EPHA2: variants seen among roughly 807,000 people sequenced by gnomAD.
EPHA2 encodes the protein ephrin type-A receptor 2.
A neutral mutation model predicts 104.9 loss-of-function variants in EPHA2; 54 were observed. The observed-to-expected ratio is 0.51, with a 90% CI of 0.41 to 0.65. The LOEUF is 0.65. EPHA2 is among the 30% of genes least tolerant of loss of function. The pLI, the probability that EPHA2 is intolerant of heterozygous loss-of-function variation, is 0.00. For missense variants in EPHA2, 1,117 were observed against 1,369.5 expected (o/e 0.82, Z 2.91); for synonymous variants, 560 against 559.1 (o/e 1.00, Z -0.02).
chr1:16,133,465 AG>A lies in EPHA2; in HGVS notation c.1864+15del, dbSNP rs886045505. The A allele has an allele frequency of 1.9e-6, 3 of 1,614,020 alleles. No individual in the cohort carries two copies. Among genetic ancestry groups the A allele is most frequent in the East Asian group, 2.2e-5 (1 of 44,884 alleles). On this transcript the variant is annotated intron_variant, in intron 10 of 16. Coordinates refer to ENST00000358432, the MANE Select transcript of EPHA2 (RefSeq NM_004431.5). The stretch of plus-strand genomic sequence containing the variant: ...CGCTGCCTCCTCAGGGCCCCTTGGC[AG>A]GGGGCCAACCTCACCTGCTCCGATC...
In EPHA2 at chr1:16,132,271, C is replaced by G; in HGVS notation, c.2118G>C (p.Glu706Asp). The G allele has an allele frequency of 1.9e-6, 3 of 1,614,092 alleles. No individual in the cohort carries two copies. The highest frequency in any genetic ancestry group is 2.5e-6 in the Non-Finnish European group (3 of 1,180,020). ...GCAGCACGCTGAACTCGCCATCCTT[C>G]TCCTGCCGGAGCACAGGCGCTCAGC... ...ENGALDKFLR[E>D]KDGEFSVLQL... is the part of the protein sequence containing the mutation. Residue 706 changes from glutamate to aspartate, a missense_variant and splice_region_variant, in exon 13 of 17, where the codon GAG becomes GAC. Glu to Asp is a conservative substitution (Grantham distance 45). Transcript: ENST00000358432.
Position 16,135,513 on chromosome 1 carries a change from CT to C in EPHA2, c.1428+141del, listed in dbSNP as rs972008188. 8 of 836,442 alleles carry C rather than the reference CT, an allele frequency of 9.6e-6. No individual in the cohort carries two copies. In the African/African-American group the frequency reaches 1.2e-4, roughly 12 times the overall value. 51.8% of individuals were successfully genotyped at this position (836,442 alleles called of 1,614,324 possible). ...GTGCTGCCTTGGGAGATGTAACCCCCTGGCAGACCCCAGGCCTCAGTTTCCC... is the reference window on the plus strand; with the variant it reads ...GTGCTGCCTTGGGAGATGTAACCCCCGGCAGACCCCAGGCCTCAGTTTCCC... On this transcript the variant is annotated intron_variant, in intron 6 of 16. Coordinates refer to ENST00000358432, the MANE Select transcript of EPHA2 (RefSeq NM_004431.5). The surrounding 1 kb of genome is among the most constrained non-coding windows in gnomAD (Gnocchi z 4.3).
At position 16,133,321 on chromosome 1, in the gene EPHA2, T is replaced by C; in HGVS notation, c.1912A>G (p.Lys638Glu). ...TTGATGGCCACCGGCACCTCCTTCT[T>C]CCCCGAGGATGTCTTCAGCATGCCC... ...YKGMLKTSSG[K>E]KEVPVAIKTL... is the part of the protein sequence containing the mutation. Residue 638 changes from lysine to glutamate, a missense_variant, in exon 11 of 17, where the codon AAG becomes GAG. By Grantham distance (56) the Lys-to-Glu change is moderately conservative. This residue lies in a region of EPHA2 where 113 missense variants were observed against 104.3 expected (regional missense o/e 1.08). Transcript: ENST00000358432. 1.2e-6 allele frequency: 2 copies of C among 1,613,786 alleles called. No homozygotes were observed. Among genetic ancestry groups the C allele is most frequent in the Non-Finnish European group, 1.7e-6 (2 of 1,179,918 alleles).
intron 1 of EPHA2, 153 bp downstream of exon 1, chr1:16,155,695 C>A: frequency 1.8e-6 from 1 of 555,474 alleles, no homozygotes; most frequent in East Asian, 3.5e-5. Context: ...GGCCAGGGCT[C>A]GCCTCGATCG....
At position 16,133,307 on chromosome 1, in the gene EPHA2, C is replaced by T. The variant is rs759675163; in HGVS notation, c.1926G>A (p.Pro642=). ...LKTSSGKKEV[P]VAIKTLKAGY... is the part of the protein sequence containing the mutation. ...CGGCTTTCAGCGTCTTGATGGCCAC[C>T]GGCACCTCCTTCTTCCCCGAGGATG... The change falls in exon 11 of 17, where the codon CCG becomes CCA. Residue 642 remains proline (P), a synonymous_variant. Coordinates refer to ENST00000358432, the MANE Select transcript of EPHA2 (RefSeq NM_004431.5). 40 of 1,613,742 alleles carry T rather than the reference C, an allele frequency of 2.5e-5. No homozygotes were observed. The highest frequency in any genetic ancestry group is 3.1e-5 in the Non-Finnish European group (36 of 1,179,958).
chr1:16,130,012 C>G lies in EPHA2; in HGVS notation c.2669+214G>C, dbSNP rs993042166. Among the ~76,000 whole-genome samples, 1 of 152,204 alleles carries G rather than the reference C, an allele frequency of 6.6e-6. No homozygotes were observed. The highest frequency in any genetic ancestry group is 1.5e-5 in the Non-Finnish European group (1 of 68,034). ...TAAATGAATGAAAACATATTAAGTG[C>G]TCACGCAGTGCCCTGCACACAGACA... On this transcript the variant is annotated intron_variant, in intron 15 of 16. Transcript: ENST00000358432. This position sits in a 1 kb window ranked among gnomAD's most constrained non-coding sequence, Gnocchi z 4.5.
chr1:16,125,379 CTGGGTGGGG>C lies in EPHA2; in HGVS notation c.2826-68_2826-60del. 1 of 95,030 alleles carries C rather than the reference CTGGGTGGGG, an allele frequency of 1.1e-5. No homozygotes were observed. Among genetic ancestry groups the C allele is most frequent in the Admixed American group, 1.6e-4 (1 of 6,276 alleles). 5.9% of individuals were successfully genotyped at this position (95,030 alleles called of 1,614,324 possible). On this transcript the variant is annotated intron_variant, in intron 16 of 16. Transcript: ENST00000358432. The surrounding 1 kb of genome is among the most constrained non-coding windows in gnomAD (Gnocchi z 4.9). ...GGCTGGAGCAGGGGAGGGGGCCGGG[CTGGGTGGGG>C]ACAGGACTCGGTGGGCGGCTGGGGA... is the stretch of plus-strand genomic sequence containing the variant.
chr1:16,153,111 A>C (rs1005961998), intron 1 of EPHA2: 2 of 969,846 alleles, frequency 2.1e-6, no homozygotes, highest in Admixed American at 7.2e-5. Flanking sequence ...CTATCCCCTT[A>C]CCTTCCCATT....
At chr1:16,140,791 G>C (rs2024810484) in intron 3 of EPHA2, among the ~76,000 whole-genome samples, 1 of 152,174 alleles carries the variant, frequency 6.6e-6, no homozygotes, top group South Asian at 2.1e-4. Context: ...GCTAACTTTT[G>C]TATTTTTAGT....
rs2124189728 is a variant in EPHA2 at position 16,128,268 on chromosome 1, G to A, written c.2825+1166C>T. On this transcript the variant is annotated intron_variant, in intron 16 of 16. Coordinates refer to ENST00000358432, the MANE Select transcript of EPHA2 (RefSeq NM_004431.5). The surrounding 1 kb of genome is among the most constrained non-coding windows in gnomAD (Gnocchi z 4.7). Reference sequence around the variant, plus strand: ...AGAGCCCAAGCCTGTGGCCCTGCTGGGCTGGCGGGCAGCAAAAGACATCCT... The same window carrying A: ...AGAGCCCAAGCCTGTGGCCCTGCTGAGCTGGCGGGCAGCAAAAGACATCCT... Among the ~76,000 whole-genome samples the A allele has an allele frequency of 6.6e-6, 1 of 152,278 alleles. No homozygotes were observed. The highest frequency in any genetic ancestry group is 2.1e-4 in the South Asian group (1 of 4,818).
At position 16,133,381 on chromosome 1, in the gene EPHA2, AG is replaced by A. The variant is rs2024616132; in HGVS notation, c.1865-14del. On this transcript the variant is annotated splice_polypyrimidine_tract_variant and intron_variant, in intron 10 of 16. Transcript: ENST00000358432. The stretch of plus-strand genomic sequence containing the variant: ...TCCCCAAACTCTCCTGTGGGCAGAC[AG>A]GGTCAGGGGAGTGCCCTGGTCAGCC... The A allele has an allele frequency of 6.2e-7, 1 of 1,613,746 alleles. No individual in the cohort carries two copies. Among genetic ancestry groups the A allele is most frequent in the Non-Finnish European group, 8.5e-7 (1 of 1,179,966 alleles).
chr1:16,155,737 C>T (rs1239398146), intron 1 of EPHA2, 111 bp downstream of exon 1: 3 of 889,952 alleles, frequency 3.4e-6, no homozygotes, highest in African/African-American at 3.5e-5. Context: ...TCCAGTTCGC[C>T]GGGACTGGGC....
Position 16,134,894 on chromosome 1 carries a change from A to G in EPHA2, c.1582+142T>C. 3 of 1,317,568 alleles carry G rather than the reference A, an allele frequency of 2.3e-6. No homozygotes were observed. Among genetic ancestry groups the G allele is most frequent in the African/African-American group, 1.4e-5 (1 of 68,982 alleles). The allele number at this position is 1,317,568 out of a possible 1,614,324, so 81.6% of individuals were successfully genotyped here. A position where few individuals can be genotyped will look rare whatever the true frequency, so the allele number is the denominator to read the frequency against. On this transcript the variant is annotated intron_variant, in intron 7 of 16. Coordinates refer to ENST00000358432, the MANE Select transcript of EPHA2 (RefSeq NM_004431.5). The surrounding 1 kb of genome is among the most constrained non-coding windows in gnomAD (Gnocchi z 4.5). ...CTTCCCCCTCCCCAGGCTTGGGGGC[A>G]GTCCCCGAAGGGCTGTCCCAGGCCG...
chr1:16,153,113 C>T (rs2025074567), intron 1 of EPHA2: 1 of 957,260 alleles, frequency 1.0e-6, no homozygotes, highest in Admixed American at 8.3e-5. Flanking sequence ...ATCCCCTTAC[C>T]TTCCCATTTC....
In EPHA2 at chr1:16,138,119, G is replaced by A. The variant is rs200490325; in HGVS notation, c.1046C>T (p.Thr349Met). Residue 349 changes from threonine (T) to methionine (M), a missense_variant, in exon 5 of 17, where the codon ACG becomes ATG. By Grantham distance (81) the Thr-to-Met change is moderately conservative. Around this residue, in one of 3 missense-constraint regions of EPHA2, gnomAD observed 664 missense variants for 784.8 expected, o/e 0.85. Coordinates refer to ENST00000358432, the MANE Select transcript of EPHA2 (RefSeq NM_004431.5). The part of the protein sequence containing the change: ...GMGAKVELRW[T>M]PPQDSGGRED... The stretch of plus-strand genomic sequence containing the variant: ...GCGGCCCCCGCTGTCCTGAGGGGGC[G>A]TCCAGCGCAGCTCCACCTTGGCACC... 165 of 1,609,234 alleles carry A rather than the reference G, an allele frequency of 1.0e-4. No homozygotes were observed. In the East Asian group the frequency reaches 3.1e-3, roughly 30 times the overall value.
intron 3 of EPHA2, 115 bp from the exon 4 acceptor site, chr1:16,138,545 C>T (rs1258249265): frequency 2.1e-6 from 3 of 1,450,598 alleles, no homozygotes; most frequent in East Asian, 2.3e-5. Flanking sequence ...GTCAGTAAAT[C>T]TCTATGGACC....
rs6603855 is a variant in EPHA2, at chr1:16,134,046, T to C, written c.1683-131A>G. On this transcript the variant is annotated intron_variant, in intron 8 of 16. Transcript: ENST00000358432. This position sits in a 1 kb window ranked among gnomAD's most constrained non-coding sequence, Gnocchi z 4.5. ...CAGAATGCGGCCCAGTCCCCGCTTT[T>C]GCTGCCCAAGCTCCACTCTCAGGGC... The C allele has an allele frequency of 0.11, 101,392 of 900,008 alleles. 17,097 individuals are homozygous for C. Among genetic ancestry groups the C allele is most frequent in the African/African-American group, 0.69 (40,848 of 59,162 alleles). The allele number at this position is 900,008 out of a possible 1,614,324, so 55.8% of individuals were successfully genotyped here. A position where few individuals can be genotyped will look rare whatever the true frequency, so the allele number is the denominator to read the frequency against.
intron 3 of EPHA2, among the ~76,000 whole-genome samples, chr1:16,140,812 C>G (rs1343062921): frequency 2.6e-5 from 4 of 152,132 alleles, no homozygotes; most frequent in African/African-American, 9.7e-5. Context: ...AGAGATGCAG[C>G]CTGGTCTCGA....
At chr1:16,136,335 A>AT in intron 5 of EPHA2, among the ~76,000 whole-genome samples, 1 of 148,794 alleles carries the variant, frequency 6.7e-6, no homozygotes, top group Admixed American at 6.7e-5. Context: ...AATAATAATA[A>AT]AAGGCCAGGT....
Sources: allele counts gnomAD v4.1 joint callset (sites outside exome capture counted in the v4.1 genomes callset), GRCh38; gene constraint gnomAD v4.1.1; regional missense constraint gnomAD v4.1.1; non-coding constraint Gnocchi (gnomAD v3.1); transcripts MANE v1.5; gene names NCBI Gene and HGNC (gene_info 2026-07-23, HGNC 2026-07-21).